ANO3: variants seen among roughly 807,000 people sequenced by gnomAD.
ANO3 encodes the protein anoctamin 3, also known as anoctamin-3.
Under a neutral mutation model 144.8 loss-of-function variants are expected in ANO3, and 99 were observed. The ratio of observed to expected loss-of-function variants is 0.68; its 90% confidence interval spans 0.58 to 0.81. ANO3 has a LOEUF of 0.81. Among genes scored for constraint, ANO3 ranks in the 30% least tolerant of loss-of-function variants. The pLI is 0.00. For synonymous variants in ANO3, 414 were observed against 392.6 expected (o/e 1.05, Z -0.64); for missense variants, 905 against 1,202.2 (o/e 0.75, Z 3.66).
intron 1 of ANO3, among the ~76,000 whole-genome samples, chr11:26,284,645 A>C (rs972134252): frequency 1.4e-4 from 22 of 152,232 alleles, no homozygotes; most frequent in Admixed American, 1.2e-3. Flanking sequence ...CACTCCTGTA[A>C]TCCCAGCAAT....
chr11:26,489,491 G>A (rs1860615275), intron 4 of ANO3, among the ~76,000 whole-genome samples: 1 of 152,208 alleles, frequency 6.6e-6, no homozygotes, highest in African/African-American at 2.4e-5. Flanking sequence ...GCTTAGTGAA[G>A]CTGCGAGAAG....
At chr11:26,213,648 A>G (rs866909217) in intron 1 of ANO3, among the ~76,000 whole-genome samples, 3 of 152,184 alleles carry the variant, frequency 2.0e-5, no homozygotes, top group African/African-American at 7.2e-5. Flanking sequence ...AAATGGAAAG[A>G]CATTCAATGT....
chr11:26,198,515 G>A (rs914590784), intron 1 of ANO3, among the ~76,000 whole-genome samples: 10 of 152,110 alleles, frequency 6.6e-5, no homozygotes, highest in South Asian at 2.1e-4. Context: ...AGATAGAAAC[G>A]GAAAGAAATT....
At chr11:26,235,012 G>GAGAGAGAGAGAGAGAA (rs771922780) in intron 1 of ANO3, among the ~76,000 whole-genome samples, 1 of 151,794 alleles carries the variant, frequency 6.6e-6, no homozygotes. Flanking sequence ...AAGAGAGAGA[G>GAGAGAGAGAGAGAGAA]AGAGAGAGAG....
At chr11:26,595,814 T>C (rs1286504492) in intron 14 of ANO3, among the ~76,000 whole-genome samples, 1 of 152,238 alleles carries the variant, frequency 6.6e-6, no homozygotes, top group Non-Finnish European at 1.5e-5. Context: ...TTTGAGTTAG[T>C]AAGCTACTTT....
chr11:26,607,771 G>A (rs1380422005), intron 17 of ANO3, among the ~76,000 whole-genome samples: 1 of 152,162 alleles, frequency 6.6e-6, no homozygotes, highest in Admixed American at 6.5e-5. Flanking sequence ...TGTGTTGTGT[G>A]TTTCAGCTCC....
chr11:26,281,465 A>G (rs2133844755), intron 1 of ANO3, among the ~76,000 whole-genome samples: 1 of 152,314 alleles, frequency 6.6e-6, no homozygotes, highest in East Asian at 1.9e-4. Flanking sequence ...GAACCTGTCC[A>G]AACTCCACCT....
chr11:26,267,176 G>A (rs550570600), intron 1 of ANO3, among the ~76,000 whole-genome samples: 48 of 150,788 alleles, frequency 3.2e-4, no homozygotes, highest in African/African-American at 8.5e-4. Flanking sequence ...GGACCTTCAC[G>A]CACGCACGCA....
chr11:26,302,908 T>C (rs1854271370), intron 1 of ANO3, among the ~76,000 whole-genome samples: 8 of 152,142 alleles, frequency 5.3e-5, no homozygotes. Flanking sequence ...TGAATAGACA[T>C]TTTTTAAAAG....
At chr11:26,414,824 G>T (rs1295814750) in intron 1 of ANO3, among the ~76,000 whole-genome samples, 1 of 151,022 alleles carries the variant, frequency 6.6e-6, no homozygotes, top group Non-Finnish European at 1.5e-5. Flanking sequence ...CTTGATTTGA[G>T]ATTTTTTTTG....
chr11:26,578,065 C>A (rs1851036877), intron 14 of ANO3, among the ~76,000 whole-genome samples: 1 of 152,154 alleles, frequency 6.6e-6, no homozygotes, highest in Admixed American at 6.5e-5. Context: ...TAGGAGAAAA[C>A]AGTTTTGAAG....
At chr11:26,255,365 G>A (rs567508733) in intron 1 of ANO3, among the ~76,000 whole-genome samples, 9 of 152,172 alleles carry the variant, frequency 5.9e-5, no homozygotes, top group South Asian at 2.1e-4. Flanking sequence ...ACTGTTATTC[G>A]GTAGACTACT....
At chr11:26,305,070 T>A (rs766149707), upstream of ANO3, among the ~76,000 whole-genome samples, 1 of 150,588 alleles carries the variant, frequency 6.6e-6, no homozygotes, top group African/African-American at 2.4e-5. Context: ...AGATAGAAAT[T>A]AAGAAAAAGT....
chr11:26,291,747 T>A (rs1270168250), intron 1 of ANO3, among the ~76,000 whole-genome samples: 1 of 152,234 alleles, frequency 6.6e-6, no homozygotes, highest in Non-Finnish European at 1.5e-5. Flanking sequence ...CCTACTCTCT[T>A]CTGGCTTGTA....
intron 3 of ANO3, among the ~76,000 whole-genome samples, chr11:26,462,818 G>C (rs566904095): frequency 1.8e-4 from 28 of 151,862 alleles, no homozygotes; most frequent in African/African-American, 5.5e-4. Context: ...GTCAGCATTA[G>C]TAAATAATAG....
At chr11:26,496,913 T>C (rs368268794) in intron 4 of ANO3, among the ~76,000 whole-genome samples, 3 of 150,978 alleles carry the variant, frequency 2.0e-5, no homozygotes, top group East Asian at 1.9e-4. Context: ...TGTCTGTAGA[T>C]TTATATATAA....
chr11:26,374,416 T>A (rs1375282356), intron 1 of ANO3, among the ~76,000 whole-genome samples: 1 of 152,194 alleles, frequency 6.6e-6, no homozygotes, highest in African/African-American at 2.4e-5. Flanking sequence ...ACTGAACACG[T>A]GTTTTCTTTT....
chr11:26,407,988 G>C (rs1487637322), intron 1 of ANO3, among the ~76,000 whole-genome samples: 2 of 151,942 alleles, frequency 1.3e-5, no homozygotes, highest in African/African-American at 4.8e-5. Context: ...ATGGATTAAA[G>C]ACTTACATGT....
intron 1 of ANO3, among the ~76,000 whole-genome samples, chr11:26,365,973 TA>T (rs56139989): frequency 0.38 from 20,542 of 53,376 alleles, 2,032 homozygotes; most frequent in East Asian, 0.46. Flanking sequence ...TATATATATA[TA>T]TATATATATA....
Sources: gnomAD v4.1 joint callset for allele counts (sites outside exome capture counted in the v4.1 genomes callset) on GRCh38, gnomAD v4.1.1 for gene constraint, MANE v1.5 for transcripts, NCBI Gene and HGNC (gene_info 2026-07-23, HGNC 2026-07-21) for gene names.